The following DNAH7 variants were observed in gnomAD, a reference collection of about 807,000 sequenced individuals.
DNAH7 encodes the protein axonemal beta dynein heavy chain 7.
A neutral mutation model predicts 444.6 loss-of-function variants in DNAH7; 397 were observed. The ratio of observed to expected loss-of-function variants is 0.89; its 90% confidence interval spans 0.82 to 0.97. The LOEUF (loss-of-function observed/expected upper bound fraction) is 0.97, where lower values mean the gene tolerates loss of function less well. Ranked by LOEUF, DNAH7 falls within the 50% of genes least tolerant of loss-of-function variation. The pLI is 0.00. For missense variants in DNAH7, 4,902 were observed against 4,800.8 expected, an observed-to-expected ratio of 1.02 and a Z score of -0.62; for synonymous variants, 1,636 against 1,624.4, an observed-to-expected ratio of 1.01 and a Z score of -0.17.
chr2:195,848,614 G>A (rs1210894193), intron 46 of DNAH7, among the ~76,000 whole-genome samples: 2 of 152,346 alleles, frequency 1.3e-5, no homozygotes, highest in South Asian at 2.1e-4. Flanking sequence ...GCTCCAAATG[G>A]AGAAGGCTGC....
chr2:195,854,951 A>G (rs1328994612), intron 45 of DNAH7, among the ~76,000 whole-genome samples: 2 of 152,176 alleles, frequency 1.3e-5, no homozygotes, highest in African/African-American at 4.8e-5. Context: ...AGAATACAGG[A>G]TAGTTACTAT....
intron 49 of DNAH7, among the ~76,000 whole-genome samples, chr2:195,822,904 A>G (rs561687798): frequency 6.6e-6 from 1 of 152,334 alleles, no homozygotes; most frequent in South Asian, 2.1e-4. Context: ...AATATTGCTA[A>G]TAAGTAACAC....
intron 40 of DNAH7, among the ~76,000 whole-genome samples, chr2:195,867,855 C>CT (rs950769179): frequency 6.6e-5 from 10 of 152,068 alleles, no homozygotes; most frequent in African/African-American, 2.2e-4. Flanking sequence ...GTTGTTTCTA[C>CT]TTTTTGGCTA....
chr2:196,050,027 T>C (rs1220614441), intron 3 of DNAH7, among the ~76,000 whole-genome samples: 1 of 152,232 alleles, frequency 6.6e-6, no homozygotes, highest in African/African-American at 2.4e-5. Context: ...TTAAGATTTG[T>C]ATTTTTAAAT....
Position 195,899,295 on chromosome 2 carries a change from T to C in DNAH7, c.4548+987A>G, listed in dbSNP as rs79003769. On this transcript the variant is annotated intron_variant, in intron 28 of 64. Coordinates refer to ENST00000312428, the MANE Select transcript of DNAH7 (RefSeq NM_018897.3). ...TTCAGGCCAGAACATTCAACAATTC[T>C]ATATTAGCTTTGAAAAAGAATGATA... 2.3e-3 allele frequency among the ~76,000 whole-genome samples: 351 copies of C among 152,352 alleles called. 2 individuals carry two copies. The highest frequency in any genetic ancestry group is 7.9e-3 in the African/African-American group (327 of 41,582).
rs751379243 is a variant in DNAH7 at position 195,787,031 on chromosome 2, G to A, written c.10857C>T (p.His3619=). The part of the protein sequence containing the change: ...TDLRISVQQL[H]MFLNQYEELP... The stretch of plus-strand genomic sequence containing the variant: ...ATACCTCATACTGGTTCAGGAACAT[G>A]TGGAGCTGCTGTACGCTGATTCTCA... The change falls in exon 58 of 65, where the codon CAC becomes CAT. Residue 3619 remains histidine, a synonymous_variant. Transcript: ENST00000312428. 17 of 1,597,400 alleles carry A rather than the reference G, an allele frequency of 1.1e-5. No individual in the cohort carries two copies. The highest frequency in any genetic ancestry group is 1.4e-5 in the Non-Finnish European group (17 of 1,175,218).
chr2:195,869,911 A>G (rs1422231602), intron 40 of DNAH7, among the ~76,000 whole-genome samples: 1 of 152,236 alleles, frequency 6.6e-6, no homozygotes, highest in Non-Finnish European at 1.5e-5. Context: ...AAACCTCACT[A>G]AATGCCCAAA....
intron 57 of DNAH7, among the ~76,000 whole-genome samples, chr2:195,790,029 A>G (rs1299141809): frequency 5.3e-5 from 8 of 152,174 alleles, no homozygotes; most frequent in Admixed American, 1.3e-4. Flanking sequence ...ATACACCAAT[A>G]ATGTTCAAGC....
At chr2:196,005,303 C>CA (rs969143318) in intron 10 of DNAH7, among the ~76,000 whole-genome samples, 2 of 140,756 alleles carry the variant, frequency 1.4e-5, no homozygotes, top group African/African-American at 5.7e-5. Flanking sequence ...AACAAACAAA[C>CA]AAAAATATAT....
chr2:195,875,999 C>T (rs573151693), intron 37 of DNAH7, among the ~76,000 whole-genome samples, 156 bp from the exon 38 acceptor site: 36 of 152,294 alleles, frequency 2.4e-4, no homozygotes, highest in South Asian at 1.7e-3. Flanking sequence ...ATATCCTTAG[C>T]TTCCATGCTT....
chr2:195,841,578 G>C (rs1362985505), intron 47 of DNAH7, among the ~76,000 whole-genome samples: 1 of 151,880 alleles, frequency 6.6e-6, no homozygotes, highest in Non-Finnish European at 1.5e-5. Context: ...GCAACAAACT[G>C]ATTTAAATAA....
At chr2:195,931,308 G>A (rs967184533) in intron 21 of DNAH7, among the ~76,000 whole-genome samples, 1 of 152,176 alleles carries the variant, frequency 6.6e-6, no homozygotes, top group African/African-American at 2.4e-5. Flanking sequence ...GTTCATTGTA[G>A]ATTCTGGATA....
At chr2:196,030,019 T>C (rs1424284414) in intron 5 of DNAH7, among the ~76,000 whole-genome samples, 3 of 152,186 alleles carry the variant, frequency 2.0e-5, no homozygotes, top group East Asian at 1.9e-4. Flanking sequence ...TAAGGAGATA[T>C]TTCACAAATT....
At chr2:195,891,866 T>C in intron 30 of DNAH7, 62 bp from the exon 31 acceptor site, 1 of 1,295,072 alleles carries the variant, frequency 7.7e-7, no homozygotes, top group Non-Finnish European at 1.0e-6. Flanking sequence ...ATAGAAAACA[T>C]TATTGCACAT....
At chr2:195,763,157 AAC>A (rs1356263372) in intron 61 of DNAH7, among the ~76,000 whole-genome samples, 2 of 152,180 alleles carry the variant, frequency 1.3e-5, no homozygotes, top group East Asian at 1.9e-4. Flanking sequence ...ATTTTCTTGA[AAC>A]ACATGATAAT....
At chr2:195,970,829 T>C (rs1049075103) in intron 16 of DNAH7, among the ~76,000 whole-genome samples, 1 of 152,234 alleles carries the variant, frequency 6.6e-6, no homozygotes. Context: ...TCTAGGCTGA[T>C]TTATGTCCTC....
At chr2:195,912,055 G>A (rs557015262) in intron 24 of DNAH7, among the ~76,000 whole-genome samples, 38 of 152,248 alleles carry the variant, frequency 2.5e-4, no homozygotes, top group African/African-American at 9.1e-4. Context: ...TCTTATAGAT[G>A]GTGAAGTTGG....
At position 195,891,675 on chromosome 2, in the gene DNAH7, T is replaced by C; in HGVS notation, c.5026A>G (p.Arg1676Gly). 1 of 1,595,254 alleles carries C rather than the reference T, an allele frequency of 6.3e-7. No individual in the cohort carries two copies. The highest frequency in any genetic ancestry group is 8.5e-7 in the Non-Finnish European group (1 of 1,172,322). The stretch of plus-strand genomic sequence containing the variant: ...CTTACCACTGAAGAGGCAAATGCTC[T>C]AAAACTGACAGCAAGGACCCCATCA... The part of the protein sequence containing the change: ...WSDGVLAVSF[R>G]AFASSVTPDR... Residue 1676 changes from arginine (R) to glycine (G), a missense_variant, in exon 31 of 65, where the codon AGA becomes GGA. Arg to Gly is a moderately radical substitution (Grantham distance 125). Transcript: ENST00000312428.
intron 19 of DNAH7, among the ~76,000 whole-genome samples, chr2:195,946,042 C>T (rs1689780381): frequency 6.6e-6 from 1 of 152,066 alleles, no homozygotes; most frequent in Admixed American, 6.6e-5. Flanking sequence ...GAGATCTGGT[C>T]AGTCACCCGG....
Sources: gnomAD v4.1 joint callset for allele counts (sites outside exome capture counted in the v4.1 genomes callset) on GRCh38, gnomAD v4.1.1 for gene constraint, MANE v1.5 for transcripts, NCBI Gene and HGNC (gene_info 2026-07-23, HGNC 2026-07-21) for gene names.